Variants in ZSWIM3 observed in about 807,000 individuals in gnomAD.
ZSWIM3 encodes the protein zinc finger SWIM-type containing 3, also known as zinc finger SWIM domain-containing protein 3.
ZSWIM3 carries 27 observed loss-of-function variants against 47.5 expected under a neutral mutation model. The ratio of observed to expected loss-of-function variants is 0.57; its 90% CI spans 0.42 to 0.78. ZSWIM3 has a LOEUF of 0.78. ZSWIM3 is among the 30% of genes least tolerant of loss of function. The probability of loss-of-function intolerance (pLI) is 0.00; values close to 1 mark genes in which losing one functional copy is unlikely to be tolerated. For missense variants in ZSWIM3, 689 were observed against 861.3 expected, an observed-to-expected ratio of 0.80 and a Z score of 2.50; for synonymous variants, 333 against 333.9, an observed-to-expected ratio of 1.00 and a Z score of 0.03.
chr20:45,871,879 A>G (rs4812971), intron 1 of ZSWIM3, among the ~76,000 whole-genome samples: 3 of 148,316 alleles, frequency 2.0e-5, no homozygotes, highest in East Asian at 2.0e-4. Flanking sequence ...AAAAAAAAAG[A>G]AAAAAAAAGT....
At position 45,876,960 on chromosome 20, in the gene ZSWIM3, C is replaced by T. The variant is rs1986111027; in HGVS notation, c.402C>T (p.Thr134=). The change falls in exon 2 of 2, where the codon ACC becomes ACT. Residue 134 remains threonine (T), a synonymous_variant. Coordinates refer to ENST00000255152, the MANE Select transcript of ZSWIM3 (RefSeq NM_080752.4). The part of the protein sequence containing the change: ...LQRLQPVQPT[T]KKDLDTAEKS... ...GACTCCAGCCTGTGCAGCCCACAAC[C>T]AAAAAAGACCTTGACACTGCCGAGA... The T allele has an allele frequency of 7.4e-6, 12 of 1,613,898 alleles. No homozygotes were observed. The highest frequency in any genetic ancestry group is 9.3e-6 in the Non-Finnish European group (11 of 1,180,012).
At chr20:45,874,574 C>A (rs1169112596) in intron 1 of ZSWIM3, among the ~76,000 whole-genome samples, 4 of 152,118 alleles carry the variant, frequency 2.6e-5, no homozygotes, top group Non-Finnish European at 5.9e-5. Flanking sequence ...TCCCTAGCCC[C>A]AAAACATTCC....
rs771307649 is a variant in ZSWIM3, at chr20:45,878,456, C to G, written c.1898C>G (p.Thr633Ser). The G allele has an allele frequency of 6.2e-7, 1 of 1,614,078 alleles. No homozygotes were observed. Among genetic ancestry groups the G allele is most frequent in the Non-Finnish European group, 8.5e-7 (1 of 1,180,044 alleles). Residue 633 changes from threonine (T) to serine (S), a missense_variant, in exon 2 of 2, where the codon ACC becomes AGC. By Grantham distance (58) the Thr-to-Ser change is moderately conservative. Coordinates refer to ENST00000255152, the MANE Select transcript of ZSWIM3 (RefSeq NM_080752.4). ...GAGTTAGCAAACCTGCTCATGCAGA[C>G]CGAGGGGCCAGAGCTGGAGGAACGC... is the stretch of plus-strand genomic sequence containing the variant. Reference protein sequence around the residue: ...SRELANLLMQTEGPELEERYS... With the variant: ...SRELANLLMQSEGPELEERYS...
rs1555826558 is a variant in ZSWIM3 at position 45,857,984 on chromosome 20, A to AGGGCGGGCG, written c.155+12_155+20dup. The AGGGCGGGCG allele has an allele frequency of 8.7e-6, 1 of 114,382 alleles. No individual in the cohort carries two copies. The highest frequency in any genetic ancestry group is 2.9e-4 in the African/African-American group (1 of 3,470). The allele number at this position is 114,382 out of a possible 1,614,324, so 7.1% of individuals were successfully genotyped here. A position where few individuals can be genotyped will look rare whatever the true frequency, so the allele number is the denominator to read the frequency against. On this transcript the variant is annotated splice_donor_region_variant and intron_variant, in intron 1 of 1. Coordinates refer to ENST00000255152, the MANE Select transcript of ZSWIM3 (RefSeq NM_080752.4). The stretch of plus-strand genomic sequence containing the variant: ...CCTCCATCCGCGAAGACATCCTGTA[A>AGGGCGGGCG]GGGCGGGCGGGGCGGGGCGGGCCAA...
intron 1 of ZSWIM3, among the ~76,000 whole-genome samples, chr20:45,871,775 T>C (rs190519841): frequency 1.0e-4 from 15 of 149,940 alleles, no homozygotes; most frequent in Admixed American, 2.0e-4. Flanking sequence ...GCAGAAGAAT[T>C]GCTTGAACCC....
chr20:45,860,487 G>A lies in ZSWIM3; in HGVS notation c.155+2507G>A, dbSNP rs186121604. On this transcript the variant is annotated intron_variant, in intron 1 of 1. Transcript: ENST00000255152. The stretch of plus-strand genomic sequence containing the variant: ...GATCGTGCCATTGCACTCCAGCCTC[G>A]GCAACAGAGCGAGACTCCATCTCAA... Among the ~76,000 whole-genome samples the A allele has an allele frequency of 3.8e-3, 557 of 144,816 alleles. 3 individuals carry two copies. Among genetic ancestry groups the A allele is most frequent in the South Asian group, 0.014 (62 of 4,500 alleles).
In ZSWIM3 at chr20:45,877,572, C is replaced by T. The variant is rs752459492; in HGVS notation, c.1014C>T (p.Ala338=). The T allele has an allele frequency of 3.7e-6, 6 of 1,614,058 alleles. No individual in the cohort carries two copies. The highest frequency in any genetic ancestry group is 1.1e-5 in the South Asian group (1 of 91,080). Residue 338 remains alanine, a synonymous_variant, in exon 2 of 2, where the codon GCC becomes GCT. Coordinates refer to ENST00000255152, the MANE Select transcript of ZSWIM3 (RefSeq NM_080752.4). ...TCATGAAGGAAGCCCTGCGGGAGGC[C>T]GTGTTTGTCACTTCTGAAGCCAGCC... is the stretch of plus-strand genomic sequence containing the variant. The part of the protein sequence containing the change: ...KRLMKEALRE[A]VFVTSEASLK...
At chr20:45,861,267 G>A (rs1359862821) in intron 1 of ZSWIM3, among the ~76,000 whole-genome samples, 1 of 151,992 alleles carries the variant, frequency 6.6e-6, no homozygotes, top group Non-Finnish European at 1.5e-5. Flanking sequence ...AATACAAAAA[G>A]TAGCCAGGCA....
rs116757482 is a variant in ZSWIM3 at position 45,874,891 on chromosome 20, G to A, written c.156-1823G>A. Reference sequence around the variant, plus strand: ...AGTTGGAGAGGCTCTTAAAGAAAGAGCTGACTATATTGGGACTGGAGAGTT... The same window carrying A: ...AGTTGGAGAGGCTCTTAAAGAAAGAACTGACTATATTGGGACTGGAGAGTT... On this transcript the variant is annotated intron_variant, in intron 1 of 1. Coordinates refer to ENST00000255152, the MANE Select transcript of ZSWIM3 (RefSeq NM_080752.4). 2.5e-3 allele frequency among the ~76,000 whole-genome samples: 373 copies of A among 152,202 alleles called. 2 individuals carry two copies. Among genetic ancestry groups the A allele is most frequent in the Middle Eastern group, 0.01 (3 of 294 alleles).
chr20:45,871,931 T>C (rs1226777466), intron 1 of ZSWIM3, among the ~76,000 whole-genome samples: 1 of 151,350 alleles, frequency 6.6e-6, no homozygotes, highest in East Asian at 1.9e-4. Context: ...CTATCCAATA[T>C]GTTGGGAGTC....
rs754201725 is a variant in ZSWIM3 at position 45,878,187 on chromosome 20, C to T, written c.1629C>T (p.Ser543=). 1 of 1,614,238 alleles carries T rather than the reference C, an allele frequency of 6.2e-7. No individual in the cohort carries two copies. The highest frequency in any genetic ancestry group is 8.5e-7 in the Non-Finnish European group (1 of 1,180,054). The change falls in exon 2 of 2, where the codon AGC becomes AGT. Residue 543 remains serine, a synonymous_variant. Transcript: ENST00000255152. ...TGCTAGAGGACTCTCACCAGGTTAG[C>T]AAAGATGGCTGTAGCTGCAGCTGTT... ...VQLLEDSHQV[S]KDGCSCSCSF...
rs529895998 is a variant in ZSWIM3 at position 45,878,517 on chromosome 20, T to C, written c.1959T>C (p.Ala653=). The change falls in exon 2 of 2, where the codon GCT becomes GCC. Residue 653 remains alanine (A), a synonymous_variant. Coordinates refer to ENST00000255152, the MANE Select transcript of ZSWIM3 (RefSeq NM_080752.4). ...TGCGCAAGATTGTGGATATCTGGGCTGGCCCCTCCCAGCCATCTGAGCTCT... is the reference window on the plus strand; with the variant it reads ...TGCGCAAGATTGTGGATATCTGGGCCGGCCCCTCCCAGCCATCTGAGCTCT... ...STLRKIVDIW[A]GPSQPSELFQ... is the part of the protein sequence containing the mutation. 63 of 1,614,226 alleles carry C rather than the reference T, an allele frequency of 3.9e-5. No homozygotes were observed. Among genetic ancestry groups the C allele is most frequent in the Middle Eastern group, 3.3e-4 (2 of 6,062 alleles).
chr20:45,870,091 C>G (rs1985939982), intron 1 of ZSWIM3, among the ~76,000 whole-genome samples: 1 of 149,780 alleles, frequency 6.7e-6, no homozygotes, highest in African/African-American at 2.5e-5. Flanking sequence ...TGGCTGTAAT[C>G]CTAGCACTTT....
At chr20:45,869,906 T>C (rs1263794024) in intron 1 of ZSWIM3, among the ~76,000 whole-genome samples, 1 of 151,300 alleles carries the variant, frequency 6.6e-6, no homozygotes, top group African/African-American at 2.4e-5. Flanking sequence ...TAACCAGGCG[T>C]GGTGGCGGGC....
intron 1 of ZSWIM3, among the ~76,000 whole-genome samples, chr20:45,860,354 A>C (rs1601109812): frequency 6.6e-6 from 1 of 152,122 alleles, no homozygotes; most frequent in Non-Finnish European, 1.5e-5. Flanking sequence ...GTCTCTACTA[A>C]AAATACAAAA....
At chr20:45,865,881 T>C (rs1464851414) in intron 1 of ZSWIM3, among the ~76,000 whole-genome samples, 3 of 150,552 alleles carry the variant, frequency 2.0e-5, no homozygotes, top group Non-Finnish European at 2.9e-5. Flanking sequence ...TAATCCCAGC[T>C]ACTCCGGAGG....
chr20:45,875,430 G>C (rs540975124), intron 1 of ZSWIM3, among the ~76,000 whole-genome samples: 6 of 152,070 alleles, frequency 3.9e-5, no homozygotes, highest in Admixed American at 2.0e-4. Context: ...CCAAAGTGCT[G>C]GGATTACAGG....
intron 1 of ZSWIM3, among the ~76,000 whole-genome samples, chr20:45,870,046 G>GA (rs771712120): frequency 0.18 from 9,641 of 53,344 alleles, 745 homozygotes; most frequent in South Asian, 0.3. Flanking sequence ...TCCGTCTCAA[G>GA]AAAAAAAAAA....
Position 45,878,390 on chromosome 20 carries a change from A to C in ZSWIM3, c.1832A>C (p.Glu611Ala). ...ATGGTCCCAAACACAGGCCAGCCTG[A>C]GAAGCAAGGACGGAACGACATGATT... ...RGMVPNTGQP[E>A]KQGRNDMIQD... The change falls in exon 2 of 2, where the codon GAG becomes GCG. Residue 611 changes from glutamate (E) to alanine (A), a missense_variant. Physicochemically the swap from Glu to Ala is moderately radical, Grantham distance 107. Coordinates refer to ENST00000255152, the MANE Select transcript of ZSWIM3 (RefSeq NM_080752.4). 6.2e-7 allele frequency: 1 copy of C among 1,614,238 alleles called. No homozygotes were observed. Among genetic ancestry groups the C allele is most frequent in the South Asian group, 1.1e-5 (1 of 91,088 alleles).
Sources: allele counts gnomAD v4.1 joint callset (sites outside exome capture counted in the v4.1 genomes callset), GRCh38; gene constraint gnomAD v4.1.1; transcripts MANE v1.5; gene names NCBI Gene and HGNC (gene_info 2026-07-23, HGNC 2026-07-21).